CSMD1: variants seen among roughly 807,000 people sequenced by gnomAD.
CSMD1 encodes the protein CUB and Sushi multiple domains 1, also known as CUB and sushi domain-containing protein 1.
Under a neutral mutation model 417.5 loss-of-function variants are expected in CSMD1, and 213 were observed. That is an observed-to-expected ratio of 0.51 (90% CI 0.46 to 0.57). CSMD1 has a LOEUF of 0.57. Ranked by LOEUF, CSMD1 falls within the 20% of genes least tolerant of loss-of-function variation. The pLI, the probability that CSMD1 is intolerant of heterozygous loss-of-function variation, is 0.00. For synonymous variants in CSMD1, 2,862 were observed against 1,736.8 expected (o/e 1.65, Z -16.11); for missense variants, 6,923 against 4,529.7 (o/e 1.53, Z -15.17).
At chr8:3,255,804 C>T (rs962053022) in intron 26 of CSMD1, among the ~76,000 whole-genome samples, 1 of 152,204 alleles carries the variant, frequency 6.6e-6, no homozygotes, top group Non-Finnish European at 1.5e-5. Context: ...TCCCTGACCT[C>T]TTGTGCTTCC....
At chr8:4,215,722 G>A (rs907650508) in intron 3 of CSMD1, among the ~76,000 whole-genome samples, 2 of 152,040 alleles carry the variant, frequency 1.3e-5, no homozygotes, top group Admixed American at 6.6e-5. Flanking sequence ...AAATGTACAT[G>A]TGAATCTTCA....
intron 5 of CSMD1, among the ~76,000 whole-genome samples, chr8:3,916,930 C>G (rs767144234): frequency 2.0e-5 from 3 of 151,996 alleles, no homozygotes; most frequent in Non-Finnish European, 2.9e-5. Context: ...CAATAATAAT[C>G]TGCACTAAAA....
intron 1 of CSMD1, among the ~76,000 whole-genome samples, chr8:4,902,271 C>A (rs1403958355): frequency 6.7e-5 from 9 of 135,272 alleles, no homozygotes; most frequent in African/African-American, 1.4e-4. Context: ...CTCGCTCTAT[C>A]TATTAAAAAA....
At chr8:4,590,317 C>T (rs769206938) in intron 2 of CSMD1, among the ~76,000 whole-genome samples, 1 of 152,000 alleles carries the variant, frequency 6.6e-6, no homozygotes, top group Non-Finnish European at 1.5e-5. Flanking sequence ...TACTGGATTT[C>T]CATGAAAACA....
chr8:4,589,240 A>C (rs536736524), intron 2 of CSMD1, among the ~76,000 whole-genome samples: 1 of 152,300 alleles, frequency 6.6e-6, no homozygotes, highest in African/African-American at 2.4e-5. Context: ...TATATTGGAA[A>C]ATAAATCTAA....
chr8:3,605,016 G>A (rs1031121930), intron 8 of CSMD1, among the ~76,000 whole-genome samples: 1 of 152,064 alleles, frequency 6.6e-6, no homozygotes, highest in Non-Finnish European at 1.5e-5. Flanking sequence ...CAGTTCTTTT[G>A]TTTTTTTCTT....
intron 57 of CSMD1, among the ~76,000 whole-genome samples, chr8:2,969,184 G>A (rs1463896553): frequency 6.6e-6 from 1 of 152,104 alleles, no homozygotes; most frequent in Non-Finnish European, 1.5e-5. Context: ...TATGTAAAAT[G>A]CCTAGTGTGA....
intron 6 of CSMD1, among the ~76,000 whole-genome samples, chr8:3,748,113 T>C (rs1797148721): frequency 6.6e-6 from 1 of 152,192 alleles, no homozygotes; most frequent in Non-Finnish European, 1.5e-5. Context: ...AACCCATAGA[T>C]GGACACTTTT....
In CSMD1 at chr8:3,411,795, C is replaced by CGT. The variant is rs1554543143; in HGVS notation, c.1562-2192_1562-2191dup. Among the ~76,000 whole-genome samples the CGT allele has an allele frequency of 8.0e-4, 85 of 106,150 alleles. 7 individuals are homozygous for CGT. The highest frequency in any genetic ancestry group is 3.2e-3 in the African/African-American group (83 of 26,124). The allele number at this position is 106,150 out of a possible 152,430, so 69.6% of individuals were successfully genotyped here. ...GTGTGTATATACCTGTATATATACA[C>CGT]GTATATATACACGTATATATACGTG... On this transcript the variant is annotated intron_variant, in intron 12 of 69. Coordinates refer to ENST00000635120, the MANE Select transcript of CSMD1 (RefSeq NM_033225.6).
intron 5 of CSMD1, among the ~76,000 whole-genome samples, chr8:3,844,627 G>T (rs928629804): frequency 6.6e-6 from 1 of 152,152 alleles, no homozygotes; most frequent in South Asian, 2.1e-4. Context: ...TCTGCAGATG[G>T]AAGGAGAACG....
At chr8:3,158,639 GA>G (rs148534474) in intron 38 of CSMD1, among the ~76,000 whole-genome samples, 16 of 145,546 alleles carry the variant, frequency 1.1e-4, no homozygotes, top group East Asian at 4.0e-4. Context: ...CTTTCTCAAT[GA>G]AAAAAAAAAC....
At chr8:3,919,557 T>A (rs1372308092) in intron 5 of CSMD1, among the ~76,000 whole-genome samples, 2 of 152,142 alleles carry the variant, frequency 1.3e-5, no homozygotes, top group African/African-American at 4.8e-5. Flanking sequence ...TAATTTGATA[T>A]CAGGACATGT....
At chr8:3,911,372 C>CA (rs1808452377) in intron 5 of CSMD1, among the ~76,000 whole-genome samples, 1 of 150,454 alleles carries the variant, frequency 6.6e-6, no homozygotes, top group Non-Finnish European at 1.5e-5. Flanking sequence ...ACTAAAAATA[C>CA]AAAAAATTAG....
At chr8:3,420,229 C>A (rs1303604786) in intron 12 of CSMD1, among the ~76,000 whole-genome samples, 1 of 152,036 alleles carries the variant, frequency 6.6e-6, no homozygotes, top group Non-Finnish European at 1.5e-5. Flanking sequence ...CGTATAACCC[C>A]AGTCTAACCA....
At chr8:4,238,812 T>A (rs537261693) in intron 3 of CSMD1, among the ~76,000 whole-genome samples, 1 of 152,302 alleles carries the variant, frequency 6.6e-6, no homozygotes, top group South Asian at 2.1e-4. Flanking sequence ...TGTAAATGCT[T>A]TGGCCCACAC....
At chr8:3,784,924 T>C (rs1457439718) in intron 5 of CSMD1, among the ~76,000 whole-genome samples, 1 of 152,204 alleles carries the variant, frequency 6.6e-6, no homozygotes, top group Non-Finnish European at 1.5e-5. Context: ...TCAAAACAAG[T>C]TTCCTGTTGA....
At chr8:3,363,612 C>G (rs773552941) in intron 20 of CSMD1, among the ~76,000 whole-genome samples, 1 of 152,120 alleles carries the variant, frequency 6.6e-6, no homozygotes, top group African/African-American at 2.4e-5. Flanking sequence ...ACTGCAAGCT[C>G]CGCTTCCCGG....
At chr8:2,999,555 T>A (rs181091686) in intron 53 of CSMD1, among the ~76,000 whole-genome samples, 1 of 152,088 alleles carries the variant, frequency 6.6e-6, no homozygotes, top group Non-Finnish European at 1.5e-5. Flanking sequence ...AGGCAGGGAG[T>A]GCCGCTGTTT....
At chr8:3,952,843 G>C (rs909491280) in intron 5 of CSMD1, among the ~76,000 whole-genome samples, 24 of 152,134 alleles carry the variant, frequency 1.6e-4, no homozygotes, top group African/African-American at 3.6e-4. Flanking sequence ...AAGTTATTTT[G>C]AATGCAGTGA....
Sources: gnomAD v4.1 joint callset for allele counts (sites outside exome capture counted in the v4.1 genomes callset) on GRCh38, gnomAD v4.1.1 for gene constraint, MANE v1.5 for transcripts, NCBI Gene and HGNC (gene_info 2026-07-23, HGNC 2026-07-21) for gene names.